The following MSTO1 variants were observed in gnomAD, a reference collection of about 807,000 sequenced individuals.
MSTO1 encodes the protein misato mitochondrial distribution and morphology regulator 1.
In MSTO1, 24 loss-of-function variants were observed where a neutral mutation model predicts 55.7. The ratio of observed to expected loss-of-function variants is 0.43; its 90% CI spans 0.31 to 0.61. The LOEUF (loss-of-function observed/expected upper bound fraction) is 0.61. Ranked by LOEUF, MSTO1 falls within the 20% of genes least tolerant of loss-of-function variation. MSTO1 has a pLI of 0.09. For missense variants in MSTO1, 363 were observed against 625.7 expected, an observed-to-expected ratio of 0.58 and a Z score of 4.48; for synonymous variants, 162 against 252.8, an observed-to-expected ratio of 0.64 and a Z score of 3.41.
chr1:155,570,187 G>A, the MSTO1 span, among the ~76,000 whole-genome samples: 1 of 152,132 alleles, frequency 6.6e-6, no homozygotes, highest in Non-Finnish European at 1.5e-5. Context: ...ACACTAACAT[G>A]CCTTTTTTGA....
upstream of MSTO1, among the ~76,000 whole-genome samples, chr1:155,606,796 C>T: frequency 1.3e-5 from 2 of 152,078 alleles, no homozygotes; most frequent in Non-Finnish European, 2.9e-5. Flanking sequence ...GCTGGGATTA[C>T]AGGCATGAGC....
the MSTO1 span, among the ~76,000 whole-genome samples, chr1:155,567,804 G>A: frequency 1.3e-5 from 2 of 151,376 alleles, no homozygotes; most frequent in Non-Finnish European, 1.5e-5. Context: ...GGAGGCCAAG[G>A]CAGGTGGATC....
the MSTO1 span, among the ~76,000 whole-genome samples, chr1:155,568,124 G>A: frequency 1.3e-5 from 2 of 150,528 alleles, no homozygotes; most frequent in Non-Finnish European, 2.9e-5. Flanking sequence ...CTATTGCCCA[G>A]GCTGGAGTGC....
chr1:155,564,381 C>A, the MSTO1 span, among the ~76,000 whole-genome samples: 2 of 152,160 alleles, frequency 1.3e-5, no homozygotes, highest in South Asian at 4.1e-4. Context: ...GTAATCCCAG[C>A]TACTCAGGAG....
chr1:155,564,223 G>A, the MSTO1 span, among the ~76,000 whole-genome samples: 1 of 152,262 alleles, frequency 6.6e-6, no homozygotes, highest in Non-Finnish European at 1.5e-5. Flanking sequence ...GCCGGGCGCG[G>A]TGGCTAACGC....
At chr1:155,606,407 T>C (rs1299972279), upstream of MSTO1, among the ~76,000 whole-genome samples, 1 of 151,176 alleles carries the variant, frequency 6.6e-6, no homozygotes, top group African/African-American at 2.4e-5. Flanking sequence ...TCTTTCTTTT[T>C]CTTTTCAGAC....
At chr1:155,581,944 C>T in the MSTO1 span, among the ~76,000 whole-genome samples, 1 of 150,570 alleles carries the variant, frequency 6.6e-6, no homozygotes. Context: ...CAGGTGTGCA[C>T]CACCATGTCT....
the MSTO1 span, among the ~76,000 whole-genome samples, chr1:155,565,547 A>G: frequency 6.6e-6 from 1 of 152,174 alleles, no homozygotes; most frequent in Non-Finnish European, 1.5e-5. Flanking sequence ...TAAAAACCTT[A>G]CTTTTTTCAC....
intron 2 of MSTO1, 122 bp from the exon 3 acceptor site, chr1:155,610,917 T>C (rs1418990787): frequency 5.5e-6 from 2 of 366,578 alleles, no homozygotes; most frequent in Non-Finnish European, 9.8e-6. Context: ...CCCAGAAAGC[T>C]TGGAAGAGCC....
At chr1:155,594,473 G>A in the MSTO1 span, among the ~76,000 whole-genome samples, 2 of 152,086 alleles carry the variant, frequency 1.3e-5, no homozygotes, top group African/African-American at 2.4e-5. Context: ...CAGAAGTATC[G>A]AAGCAGTAAA....
upstream of MSTO1, among the ~76,000 whole-genome samples, chr1:155,606,540 G>A (rs1256521175): frequency 1.3e-5 from 2 of 151,326 alleles, no homozygotes; most frequent in African/African-American, 2.4e-5. Context: ...GACCACAGGC[G>A]CGTGCCACCA....
chr1:155,584,107 G>A, the MSTO1 span, among the ~76,000 whole-genome samples: 12 of 152,202 alleles, frequency 7.9e-5, 1 homozygote, highest in African/African-American at 2.4e-4. Context: ...GGTGGCTCAC[G>A]CTTGTAATCC....
the MSTO1 span, among the ~76,000 whole-genome samples, chr1:155,588,600 T>G: frequency 2.0e-5 from 3 of 152,194 alleles, no homozygotes; most frequent in African/African-American, 7.2e-5. Context: ...CTGTCTGACT[T>G]CAAAGCCTGT....
chr1:155,602,052 C>G, the MSTO1 span: 2 of 626,234 alleles, frequency 3.2e-6, no homozygotes, highest in Non-Finnish European at 6.2e-6. Flanking sequence ...CCGCGCCCGG[C>G]CTCTTCTGCC....
chr1:155,571,183 G>A, the MSTO1 span, among the ~76,000 whole-genome samples: 2 of 152,132 alleles, frequency 1.3e-5, no homozygotes, highest in Non-Finnish European at 2.9e-5. Context: ...AGCCAGTCAT[G>A]GTGGTACATG....
the MSTO1 span, chr1:155,598,797 G>A: frequency 3.4e-4 from 392 of 1,140,756 alleles, no homozygotes; most frequent in Admixed American, 5.1e-4. Context: ...TTGTAGTCAC[G>A]TTTTCTTTAA....
the MSTO1 span, among the ~76,000 whole-genome samples, chr1:155,594,906 G>C: frequency 6.6e-6 from 1 of 152,114 alleles, no homozygotes; most frequent in African/African-American, 2.4e-5. Context: ...GGAGGTCAGG[G>C]TGGGCAGATG....
the MSTO1 span, among the ~76,000 whole-genome samples, chr1:155,575,605 G>A: frequency 6.6e-6 from 1 of 151,820 alleles, no homozygotes; most frequent in East Asian, 1.9e-4. Flanking sequence ...ACCGCACCTG[G>A]CTAATTTTTT....
the MSTO1 span, among the ~76,000 whole-genome samples, chr1:155,564,954 T>C: frequency 2.6e-5 from 4 of 151,988 alleles, no homozygotes; most frequent in Non-Finnish European, 5.9e-5. Context: ...ACCCCGTCTC[T>C]ACTAATAATA....
Sources: gnomAD v4.1 joint callset for allele counts (sites outside exome capture counted in the v4.1 genomes callset) on GRCh38, gnomAD v4.1.1 for gene constraint, MANE v1.5 for transcripts, NCBI Gene and HGNC (gene_info 2026-07-23, HGNC 2026-07-21) for gene names.